The following ZNF536 variants were observed in gnomAD, a reference collection of about 807,000 sequenced individuals.
ZNF536 encodes zinc finger protein 536.
In ZNF536, 13 loss-of-function variants were observed where a neutral mutation model predicts 84.5. The ratio of observed to expected loss-of-function variants is 0.15; its 90% CI spans 0.10 to 0.24. The LOEUF is 0.24. ZNF536 is among the 10% of genes least tolerant of loss of function. The pLI, the probability that ZNF536 is intolerant of heterozygous loss-of-function variation, is 1.00. For missense variants in ZNF536, 1,536 were observed against 1,747.5 expected, an observed-to-expected ratio of 0.88 and a Z score of 2.16; for synonymous variants, 811 against 742.5, an observed-to-expected ratio of 1.09 and a Z score of -1.50.
chr19:30,444,263 C>T lies in ZNF536; in HGVS notation c.701C>T (p.Pro234Leu), dbSNP rs757892372. ...CCCCCGCCGCACGCCCAGCAGGCCCCGCTGGCCGCCTGCACCCTGGCCCTG... is the reference window on the plus strand; with the variant it reads ...CCCCCGCCGCACGCCCAGCAGGCCCTGCTGGCCGCCTGCACCCTGGCCCTG... ...LKPPPHAQQA[P>L]LAACTLALQA... is the part of the protein sequence containing the mutation. The change falls in exon 2 of 5, where the codon CCG (proline) becomes CTG (leucine). Residue 234 changes from proline (P) to leucine (L), a missense_variant. Around this residue, in one of 8 missense-constraint regions of ZNF536, gnomAD observed 138 missense variants for 136.8 expected, o/e 1.01. Transcript: ENST00000355537. 15 of 1,553,066 alleles carry T rather than the reference C, an allele frequency of 9.7e-6. No individual in the cohort carries two copies. Among genetic ancestry groups the T allele is most frequent in the Non-Finnish European group, 1.3e-5 (15 of 1,156,536 alleles).
intron 2 of ZNF536, among the ~76,000 whole-genome samples, chr19:30,505,982 A>C (rs565957526): frequency 6.6e-6 from 1 of 151,708 alleles, no homozygotes; most frequent in South Asian, 2.1e-4. Context: ...CCCAATTTTT[A>C]ATCTCTTCAT....
chr19:30,401,452 C>T (rs2050042578), intron 1 of ZNF536, among the ~76,000 whole-genome samples: 1 of 152,178 alleles, frequency 6.6e-6, no homozygotes, highest in African/African-American at 2.4e-5. Flanking sequence ...GAACTGGGCT[C>T]ACCACCCCAG....
chr19:30,632,945 G>A (rs4805591), intron 1 of ZNF536, among the ~76,000 whole-genome samples: 50 of 152,342 alleles, frequency 3.3e-4, no homozygotes, highest in Middle Eastern at 3.4e-3. Context: ...GGAGAGAGGA[G>A]GAAGAGGGCT....
chr19:30,579,799 T>C (rs1055105437), intron 1 of ZNF536, among the ~76,000 whole-genome samples: 2 of 152,208 alleles, frequency 1.3e-5, no homozygotes, highest in African/African-American at 4.8e-5. Flanking sequence ...ATTCCTTCAG[T>C]CTCAGGACAG....
intron 2 of ZNF536, among the ~76,000 whole-genome samples, chr19:30,304,140 G>A (rs2046275289): frequency 6.6e-6 from 1 of 152,186 alleles, no homozygotes; most frequent in Non-Finnish European, 1.5e-5. Flanking sequence ...GCTGTGCACA[G>A]GCCTCCTTTC....
chr19:30,630,186 C>T (rs1169990355), intron 1 of ZNF536, among the ~76,000 whole-genome samples: 1 of 152,174 alleles, frequency 6.6e-6, no homozygotes, highest in Non-Finnish European at 1.5e-5. Context: ...GAGGTTGAAT[C>T]GGGGCATTCT....
intron 1 of ZNF536, among the ~76,000 whole-genome samples, chr19:30,664,951 T>G (rs937596158): frequency 1.3e-5 from 2 of 152,194 alleles, no homozygotes; most frequent in African/African-American, 4.8e-5. Context: ...CAATAGTGCC[T>G]CCTAGAGGCT....
At chr19:30,645,942 G>A (rs2049449669) in intron 1 of ZNF536, among the ~76,000 whole-genome samples, 1 of 152,088 alleles carries the variant, frequency 6.6e-6, no homozygotes, top group Non-Finnish European at 1.5e-5. Context: ...CCGTTGCCCA[G>A]CCTGGCTTCT....
intron 2 of ZNF536, among the ~76,000 whole-genome samples, chr19:30,286,153 A>G (rs2045617650): frequency 6.6e-6 from 1 of 152,142 alleles, no homozygotes; most frequent in Non-Finnish European, 1.5e-5. Context: ...ATCCCATTAT[A>G]ATCACGCTCA....
intron 2 of ZNF536, among the ~76,000 whole-genome samples, chr19:30,455,990 A>T (rs1386701470): frequency 6.6e-6 from 1 of 152,206 alleles, no homozygotes; most frequent in East Asian, 1.9e-4. Flanking sequence ...AGAACCAGCT[A>T]ATGAGTATTT....
At chr19:30,677,184 G>A (rs2050783054) in intron 1 of ZNF536, among the ~76,000 whole-genome samples, 1 of 152,240 alleles carries the variant, frequency 6.6e-6, no homozygotes, top group Non-Finnish European at 1.5e-5. Context: ...CAGGCCAGCT[G>A]GATCTGTGCT....
intron 1 of ZNF536, among the ~76,000 whole-genome samples, chr19:30,683,759 C>T (rs745558091): frequency 3.9e-5 from 6 of 152,182 alleles, no homozygotes; most frequent in African/African-American, 1.4e-4. Flanking sequence ...TTCTCAGAAC[C>T]TTTGGGAAAG....
intron 2 of ZNF536, among the ~76,000 whole-genome samples, chr19:30,478,166 T>TC (rs1364039287): frequency 2.0e-5 from 3 of 151,640 alleles, no homozygotes; most frequent in Non-Finnish European, 4.4e-5. Context: ...TTTTTTTTTT[T>TC]TTTTTTCCAG....
intron 1 of ZNF536, among the ~76,000 whole-genome samples, chr19:30,247,834 C>T (rs1424012234): frequency 4.6e-5 from 7 of 152,174 alleles, no homozygotes; most frequent in Non-Finnish European, 1.5e-5. Flanking sequence ...GTCTCACTGT[C>T]ACTTACAGAA....
rs1213411015 is a variant in ZNF536 at position 30,521,105 on chromosome 19, T to G, written c.2171-13742T>G. 2.0e-5 allele frequency among the ~76,000 whole-genome samples: 3 copies of G among 152,224 alleles called. No individual in the cohort carries two copies. In the East Asian group the frequency reaches 5.8e-4, roughly 29 times the overall value. On this transcript the variant is annotated intron_variant, in intron 2 of 4. Coordinates refer to ENST00000355537, the MANE Select transcript of ZNF536 (RefSeq NM_014717.3). ...ACAAGGAAATGAAGGCTCATGAAGC[T>G]TTGGCGCTTTGCTCAGGACCACAGA... is the stretch of plus-strand genomic sequence containing the variant.
chr19:30,316,828 A>C (rs2046694209), intron 2 of ZNF536, among the ~76,000 whole-genome samples: 1 of 152,210 alleles, frequency 6.6e-6, no homozygotes, highest in Admixed American at 6.5e-5. Context: ...TGGCCTGTGC[A>C]GGCCGTGGAA....
chr19:30,657,490 G>A (rs1438742056), intron 1 of ZNF536, among the ~76,000 whole-genome samples: 1 of 152,208 alleles, frequency 6.6e-6, no homozygotes, highest in African/African-American at 2.4e-5. Flanking sequence ...TCCTGCCACT[G>A]CTCCGACAAC....
chr19:30,656,307 T>C (rs953929168), intron 1 of ZNF536, among the ~76,000 whole-genome samples: 2 of 152,240 alleles, frequency 1.3e-5, no homozygotes, highest in African/African-American at 4.8e-5. Context: ...GACTGCTTTT[T>C]GGAGCACATA....
chr19:30,605,223 G>T (rs1489572398), intron 1 of ZNF536, among the ~76,000 whole-genome samples: 1 of 151,974 alleles, frequency 6.6e-6, no homozygotes, highest in African/African-American at 2.4e-5. Flanking sequence ...GGTGCAGATG[G>T]TTTTTGGTTA....
Sources: gnomAD v4.1 joint callset for allele counts (sites outside exome capture counted in the v4.1 genomes callset) on GRCh38, gnomAD v4.1.1 for gene constraint, gnomAD v4.1.1 regional missense constraint, MANE v1.5 for transcripts, NCBI Gene and HGNC (gene_info 2026-07-23, HGNC 2026-07-21) for gene names.